Variants in CEP162 observed in about 807,000 individuals in gnomAD.
The protein encoded by CEP162 is centrosomal protein 162, also known as centrosomal protein of 162 kDa.
In CEP162, 141 loss-of-function variants were observed where a neutral mutation model predicts 169.2. That is an observed-to-expected ratio of 0.83 (90% confidence interval 0.73 to 0.96). CEP162 has a LOEUF of 0.96. Ranked by LOEUF, CEP162 falls within the 40% of genes least tolerant of loss-of-function variation. CEP162 has a pLI of 0.00. For synonymous variants in CEP162, 540 were observed against 526.4 expected, an observed-to-expected ratio of 1.03 and a Z score of -0.35; for missense variants, 1,600 against 1,587.2, an observed-to-expected ratio of 1.01 and a Z score of -0.14.
At position 84,226,337 on chromosome 6, in the gene CEP162, C is replaced by G; in HGVS notation, c.57G>C (p.Glu19Asp). The change falls in exon 2 of 27, where the codon GAG becomes GAC. Residue 19 changes from glutamate (E) to aspartate (D), a missense_variant and splice_region_variant. Physicochemically the swap from Glu to Asp is conservative, Grantham distance 45. Coordinates refer to ENST00000403245, the MANE Select transcript of CEP162 (RefSeq NM_014895.4). ...ATAGCTTTTAAAAATATAAACTTAC[C>G]TCTTTCATAAACTGTTCAAACTCTT... is the stretch of plus-strand genomic sequence containing the variant. ...LDEEFEQFMK[E>D]LSDDSFENSD... 1.3e-6 allele frequency: 2 copies of G among 1,548,316 alleles called. No individual in the cohort carries two copies. Among genetic ancestry groups the G allele is most frequent in the Non-Finnish European group, 1.8e-6 (2 of 1,140,360 alleles).
chr6:84,225,510 T>G (rs1238938014), intron 2 of CEP162, among the ~76,000 whole-genome samples: 7 of 152,226 alleles, frequency 4.6e-5, no homozygotes, highest in Non-Finnish European at 8.8e-5. Flanking sequence ...ACCATCTTTA[T>G]GAGGTGCATG....
At chr6:84,197,748 T>TGGAGACTGCA (rs1284773525) in intron 9 of CEP162, among the ~76,000 whole-genome samples, 4 of 143,812 alleles carry the variant, frequency 2.8e-5, no homozygotes, top group African/African-American at 1.0e-4. Flanking sequence ...ACCCAGGAGG[T>TGGAGACTGCA]GGAGACTGCA....
intron 17 of CEP162, among the ~76,000 whole-genome samples, chr6:84,170,956 T>C (rs916278482): frequency 6.6e-6 from 1 of 152,172 alleles, no homozygotes; most frequent in Non-Finnish European, 1.5e-5. Context: ...GGGCAGCCCC[T>C]ACTCCTTTCC....
chr6:84,131,873 A>T (rs1323776393), intron 25 of CEP162, among the ~76,000 whole-genome samples: 1 of 152,090 alleles, frequency 6.6e-6, no homozygotes, highest in Non-Finnish European at 1.5e-5. Flanking sequence ...TGTGAATTTG[A>T]TCCTGTCATT....
intron 22 of CEP162, among the ~76,000 whole-genome samples, chr6:84,154,515 T>TC (rs1189147577): frequency 6.6e-6 from 1 of 152,142 alleles, no homozygotes; most frequent in Non-Finnish European, 1.5e-5. Context: ...TGGAATCTAA[T>TC]GTTCTGTCAT....
intron 2 of CEP162, among the ~76,000 whole-genome samples, chr6:84,225,835 C>G (rs2099555496): frequency 6.6e-6 from 1 of 151,984 alleles, no homozygotes; most frequent in African/African-American, 2.4e-5. Flanking sequence ...AAGATTTTCA[C>G]CAGCCAGGTA....
At chr6:84,145,955 G>A (rs2476901) in intron 25 of CEP162, among the ~76,000 whole-genome samples, 36,974 of 151,998 alleles carry the variant, frequency 0.24, 9,908 homozygotes, top group African/African-American at 0.67. Context: ...CCTCTTATTA[G>A]ATCACCATAT....
chr6:84,159,082 AAT>A (rs1286811031), intron 21 of CEP162, among the ~76,000 whole-genome samples: 1 of 151,616 alleles, frequency 6.6e-6, no homozygotes, highest in Admixed American at 6.6e-5. Flanking sequence ...TCTATTTAAG[AAT>A]AGACTAATTA....
chr6:84,149,836 TGTTAGGTG>T, intron 23 of CEP162, 133 bp from the exon 24 acceptor site: 1 of 600,930 alleles, frequency 1.7e-6, no homozygotes, highest in Non-Finnish European at 2.7e-6. Flanking sequence ...AACTGCACTG[TGTTAGGTG>T]CTTTATACAT....
intron 13 of CEP162, among the ~76,000 whole-genome samples, chr6:84,178,872 C>T (rs1352829662): frequency 6.6e-6 from 1 of 152,132 alleles, no homozygotes; most frequent in East Asian, 1.9e-4. Flanking sequence ...CAAGTGTTCT[C>T]ATTGTTCAAT....
At chr6:84,197,276 G>C (rs1001777653) in intron 9 of CEP162, among the ~76,000 whole-genome samples, 1 of 151,800 alleles carries the variant, frequency 6.6e-6, no homozygotes, top group Non-Finnish European at 1.5e-5. Flanking sequence ...GGTAGGAGAG[G>C]CTGCTCAAAA....
rs372936058 is a variant in CEP162 at position 84,194,935 on chromosome 6, G to A, written c.976C>T (p.His326Tyr). 5.0e-6 allele frequency: 8 copies of A among 1,612,542 alleles called. No individual in the cohort carries two copies. The African/African-American group carries it at 9.3e-5, about 19-fold the overall frequency. Residue 326 changes from histidine to tyrosine, a missense_variant, in exon 10 of 27, where the codon CAT becomes TAT. His to Tyr is a moderately conservative substitution (Grantham distance 83, BLOSUM62 2). Coordinates refer to ENST00000403245, the MANE Select transcript of CEP162 (RefSeq NM_014895.4). ...GAATTCTCTTCATTTTCTTGAGGATGACCTTTCACTGAGCTCTTGATATCT... is the reference window on the plus strand; with the variant it reads ...GAATTCTCTTCATTTTCTTGAGGATAACCTTTCACTGAGCTCTTGATATCT... The part of the protein sequence containing the change: ...VEDIKSSVKG[H>Y]PQENEENSKN...
intron 2 of CEP162, among the ~76,000 whole-genome samples, chr6:84,224,248 C>T (rs1588904062): frequency 6.6e-6 from 1 of 152,218 alleles, no homozygotes; most frequent in East Asian, 1.9e-4. Context: ...CATGGATGAA[C>T]CTTGAAAACA....
chr6:84,221,767 A>C (rs1237908309), intron 2 of CEP162, among the ~76,000 whole-genome samples: 1 of 152,128 alleles, frequency 6.6e-6, no homozygotes, highest in Non-Finnish European at 1.5e-5. Context: ...TCTCTGAGAA[A>C]TAAAAACCTT....
chr6:84,161,963 T>G (rs2099525965), intron 19 of CEP162, 54 bp from the exon 20 acceptor site: 1 of 1,092,032 alleles, frequency 9.2e-7, no homozygotes, highest in Admixed American at 2.8e-5. Flanking sequence ...AATATGGAAA[T>G]AAACTAAATT....
rs114266101 is a variant in CEP162, at chr6:84,197,051, T to C, written c.836-1976A>G. On this transcript the variant is annotated intron_variant, in intron 9 of 26. Transcript: ENST00000403245. ...GCACACGGTGTCTTTTTTTCCTCTA[T>C]AGAAATATCAGGTTGAGCAAGTATC... is the stretch of plus-strand genomic sequence containing the variant. Among the ~76,000 whole-genome samples, 310 of 152,224 alleles carry C rather than the reference T, an allele frequency of 2.0e-3. 1 individual carries two copies. The highest frequency in any genetic ancestry group is 7.2e-3 in the African/African-American group (297 of 41,536).
At chr6:84,137,051 G>A (rs1423682040) in intron 25 of CEP162, among the ~76,000 whole-genome samples, 3 of 152,226 alleles carry the variant, frequency 2.0e-5, no homozygotes, top group African/African-American at 7.2e-5. Flanking sequence ...AGAGATATCG[G>A]TTCTTGTGGA....
chr6:84,201,150 C>A (rs547339273), intron 8 of CEP162, among the ~76,000 whole-genome samples: 1 of 152,038 alleles, frequency 6.6e-6, no homozygotes, highest in Non-Finnish European at 1.5e-5. Context: ...TGGTGGCAGG[C>A]GCCTGTAGTT....
intron 18 of CEP162, among the ~76,000 whole-genome samples, chr6:84,165,537 A>G (rs1176590275): frequency 6.6e-6 from 1 of 152,044 alleles, no homozygotes; most frequent in Non-Finnish European, 1.5e-5. Flanking sequence ...GTTTCCTATG[A>G]CACTGATTCA....
Sources: allele counts gnomAD v4.1 joint callset (sites outside exome capture counted in the v4.1 genomes callset), GRCh38; gene constraint gnomAD v4.1.1; transcripts MANE v1.5; gene names NCBI Gene and HGNC (gene_info 2026-07-23, HGNC 2026-07-21).